FBXL22: variants seen among roughly 807,000 people sequenced by gnomAD.
The protein encoded by FBXL22 is F-box and leucine rich repeat protein 22.
Under a neutral mutation model 11.7 loss-of-function variants are expected in FBXL22, and 13 were observed. The ratio of observed to expected loss-of-function variants is 1.11; its 90% CI spans 0.73 to 1.77. The LOEUF (loss-of-function observed/expected upper bound fraction) is 1.77. Among genes scored for constraint, FBXL22 ranks in the 40% most tolerant of loss-of-function variants. The pLI is 0.00. For synonymous variants in FBXL22, 160 were observed against 144.1 expected (o/e 1.11, Z -0.79); for missense variants, 406 against 320.4 (o/e 1.27, Z -2.04).
chr15:63,600,488 G>GAAGGTACGGTGGGGTGC, intron 1 of FBXL22: 1 of 1,225,040 alleles, frequency 8.2e-7, no homozygotes, highest in Admixed American at 4.3e-5. Context: ...CCACGCAGAT[G>GAAGGTACGGTGGGGTGC]AAGGTACGGT....
downstream of FBXL22, chr15:63,601,526 C>T: frequency 6.4e-7 from 1 of 1,555,734 alleles, no homozygotes; most frequent in Non-Finnish European, 8.7e-7. Flanking sequence ...TCCTGGGGAC[C>T]GCCACCTCCA....
chr15:63,605,116 A>G (rs748338312), downstream of FBXL22, among the ~76,000 whole-genome samples: 5 of 152,216 alleles, frequency 3.3e-5, no homozygotes, highest in Non-Finnish European at 2.9e-5. Flanking sequence ...AGGTTAGCAT[A>G]TAACAAAGAG....
downstream of FBXL22, among the ~76,000 whole-genome samples, chr15:63,603,564 C>A (rs1470349654): frequency 6.6e-6 from 1 of 152,178 alleles, no homozygotes; most frequent in Non-Finnish European, 1.5e-5. Context: ...CCCAACCTAC[C>A]CCCAGAAGGA....
At chr15:63,599,385 C>T in intron 1 of FBXL22, 1 of 1,399,686 alleles carries the variant, frequency 7.1e-7, no homozygotes. Context: ...TCCTTATAAC[C>T]ACCTTGAAGG....
downstream of FBXL22, among the ~76,000 whole-genome samples, chr15:63,605,084 AAAG>A (rs2067407085): frequency 6.6e-6 from 1 of 152,150 alleles, no homozygotes; most frequent in African/African-American, 2.4e-5. Flanking sequence ...GTAAAAAACA[AAAG>A]AAAAATCCTT....
chr15:63,599,884 A>C, intron 1 of FBXL22: 1 of 985,662 alleles, frequency 1.0e-6, no homozygotes, highest in Non-Finnish European at 1.2e-6. Flanking sequence ...TCACAACCCC[A>C]GTGGTAGACA....
In FBXL22 at chr15:63,597,858, C is replaced by T; in HGVS notation, c.353+113C>T. 1 of 988,068 alleles carries T rather than the reference C, an allele frequency of 1.0e-6. No homozygotes were observed. The highest frequency in any genetic ancestry group is 1.7e-5 in the South Asian group (1 of 58,882). The allele number at this position is 988,068 out of a possible 1,614,324, so 61.2% of individuals were successfully genotyped here. A position where few individuals can be genotyped will look rare whatever the true frequency, so the allele number is the denominator to read the frequency against. On this transcript the variant is annotated intron_variant, in intron 1 of 1. Coordinates refer to ENST00000638704, the MANE Select transcript of FBXL22 (RefSeq NM_001367807.1). This position sits in a 1 kb window ranked among gnomAD's most constrained non-coding sequence, Gnocchi z 4.3. ...AGATGGCTCCACCTTCGGGGCGCCT[C>T]AAACTAGGCCCAAGGCAGACATCCA... is the stretch of plus-strand genomic sequence containing the variant.
chr15:63,602,436 A>T (rs924463741), downstream of FBXL22: 1 of 151,822 alleles, frequency 6.6e-6, no homozygotes, highest in Non-Finnish European at 1.5e-5. Flanking sequence ...AAATACAAAA[A>T]ATTAGCCGGG....
At chr15:63,607,471 C>T in the FBXL22 span, among the ~76,000 whole-genome samples, 14 of 152,236 alleles carry the variant, frequency 9.2e-5, no homozygotes, top group Non-Finnish European at 1.9e-4. Context: ...CATCTTTACC[C>T]AGAACTCCTG....
At position 63,600,735 on chromosome 15, in the gene FBXL22, G is replaced by T; in HGVS notation, c.392G>T (p.Gly131Val). 1 of 1,231,550 alleles carries T rather than the reference G, an allele frequency of 8.1e-7. No homozygotes were observed. Among genetic ancestry groups the T allele is most frequent in the Non-Finnish European group, 1.0e-6 (1 of 987,814 alleles). 76.3% of individuals were successfully genotyped at this position (1,231,550 alleles called of 1,614,324 possible). The change falls in exon 2 of 2, where the codon GGC becomes GTC. Residue 131 changes from glycine (G) to valine (V), a missense_variant. Physicochemically the swap from Gly to Val is moderately radical, Grantham distance 109. Transcript: ENST00000638704. ...GCGTCCGTCACGCTCTCGGGCTGCG[G>T]CCACGTTACCGACGACTGCCTGGCG... ...NLASVTLSGC[G>V]HVTDDCLARL... is the part of the protein sequence containing the mutation.
intron 1 of FBXL22, chr15:63,600,264 C>T (rs2067345923): frequency 4.0e-6 from 4 of 994,992 alleles, no homozygotes; most frequent in Non-Finnish European, 4.8e-6. Context: ...CCACTCACGT[C>T]CCGCCGGGAC....
At chr15:63,607,108 C>T (rs1322277601), downstream of FBXL22, among the ~76,000 whole-genome samples, 3 of 150,852 alleles carry the variant, frequency 2.0e-5, no homozygotes, top group South Asian at 2.1e-4. Flanking sequence ...TGCAGTGGCG[C>T]GATCTTGGCT....
downstream of FBXL22, among the ~76,000 whole-genome samples, chr15:63,605,996 C>T (rs1187383143): frequency 2.0e-5 from 3 of 152,230 alleles, no homozygotes; most frequent in East Asian, 3.8e-4. Flanking sequence ...GCTTGTCTTA[C>T]AGAGACACAC....
At position 63,600,850 on chromosome 15, in the gene FBXL22, G is replaced by C; in HGVS notation, c.507G>C (p.Ala169=). 4.1e-6 allele frequency: 5 copies of C among 1,229,882 alleles called. No homozygotes were observed. Among genetic ancestry groups the C allele is most frequent in the Non-Finnish European group, 5.1e-6 (5 of 986,760 alleles). The allele number at this position is 1,229,882 out of a possible 1,614,324, so 76.2% of individuals were successfully genotyped here. ...ACCGCACGTTGGCTGCCGTGGCGGC[G>C]GACGGGCGCGCGCTGCAGACATTGC... is the stretch of plus-strand genomic sequence containing the variant. ...VTNRTLAAVA[A]DGRALQTLHV... The change falls in exon 2 of 2, where the codon GCG becomes GCC. Residue 169 remains alanine, a synonymous_variant. Transcript: ENST00000638704.
At chr15:63,608,061 C>A in the FBXL22 span, among the ~76,000 whole-genome samples, 1 of 152,260 alleles carries the variant, frequency 6.6e-6, no homozygotes, top group South Asian at 2.1e-4. Context: ...CTAATTCACA[C>A]ATTCACTCAC....
At chr15:63,601,673 C>T (rs752603711), downstream of FBXL22, 10 of 1,607,628 alleles carry the variant, frequency 6.2e-6, no homozygotes, top group Admixed American at 1.3e-4. Context: ...GGGGCGGATG[C>T]GTTCCCGCAG....
At chr15:63,601,294 A>C (rs781336583), downstream of FBXL22, 1 of 1,577,430 alleles carries the variant, frequency 6.3e-7, no homozygotes, top group South Asian at 1.1e-5. Flanking sequence ...CTTCCGCCCC[A>C]GGCTTTCTGC....
downstream of FBXL22, among the ~76,000 whole-genome samples, chr15:63,604,231 T>C (rs530952696): frequency 6.6e-6 from 1 of 152,284 alleles, no homozygotes; most frequent in East Asian, 1.9e-4. Context: ...CAAGGGAACC[T>C]TGCTTTTGGG....
chr15:63,600,507 G>A, intron 1 of FBXL22, 190 bp from the exon 2 acceptor site: 1 of 1,227,636 alleles, frequency 8.1e-7, no homozygotes, highest in Non-Finnish European at 1.0e-6. Context: ...GTGGGGTGCA[G>A]GGGCAGAAAG....
Sources: allele counts gnomAD v4.1 joint callset (sites outside exome capture counted in the v4.1 genomes callset), GRCh38; gene constraint gnomAD v4.1.1; non-coding constraint Gnocchi (gnomAD v3.1); transcripts MANE v1.5; gene names NCBI Gene and HGNC (gene_info 2026-07-23, HGNC 2026-07-21).